WWOX: variants seen among roughly 807,000 people sequenced by gnomAD.
WWOX encodes the protein WW domain-containing oxidoreductase.
Under a neutral mutation model 46.2 loss-of-function variants are expected in WWOX, and 69 were observed. The ratio of observed to expected loss-of-function variants is 1.49; its 90% CI spans 1.23 to 1.82. The LOEUF (loss-of-function observed/expected upper bound fraction) is 1.82, where lower values mean the gene tolerates loss of function less well. WWOX is among the 40% of genes most tolerant of loss of function. The pLI is 0.00. For synonymous variants in WWOX, 359 were observed against 202.6 expected (o/e 1.77, Z -6.56); for missense variants, 919 against 542.6 (o/e 1.69, Z -6.89).
chr16:78,535,304 C>T (rs1195973792), intron 8 of WWOX: 3 of 152,182 alleles, frequency 2.0e-5, no homozygotes, highest in African/African-American at 7.2e-5. Context: ...CTGGAAACGC[C>T]CTCTGTCTGA....
At chr16:79,175,591 T>G (rs909620322) in intron 8 of WWOX, among the ~76,000 whole-genome samples, 1 of 152,164 alleles carries the variant, frequency 6.6e-6, no homozygotes, top group South Asian at 2.1e-4. Context: ...AAAATGTAGG[T>G]AGTTCATAGG....
intron 8 of WWOX, among the ~76,000 whole-genome samples, chr16:78,817,041 C>G (rs145202118): frequency 1.3e-5 from 2 of 152,072 alleles, no homozygotes; most frequent in African/African-American, 4.8e-5. Context: ...ATCCCACAGT[C>G]TGAAGTACGT....
At chr16:78,421,818 G>A (rs1422807431) in intron 6 of WWOX, among the ~76,000 whole-genome samples, 1 of 152,154 alleles carries the variant, frequency 6.6e-6, no homozygotes, top group Non-Finnish European at 1.5e-5. Flanking sequence ...TCTCCCTCAT[G>A]ATATTAACTG....
At position 79,152,197 on chromosome 16, in the gene WWOX, G is replaced by A. The variant is rs1167202550; in HGVS notation, c.1057-59411G>A. ...TGCATCCCTCCCCCACGCGAGGCGA[G>A]GCCCTGAGGAGCGGGATTCGCTGAC... On this transcript the variant is annotated intron_variant, in intron 8 of 8. Coordinates refer to ENST00000566780, the MANE Select transcript of WWOX (RefSeq NM_016373.4). 2.0e-5 allele frequency among the ~76,000 whole-genome samples: 3 copies of A among 152,196 alleles called. No homozygotes were observed. The South Asian group carries it at 6.2e-4, about 31-fold the overall frequency.
intron 8 of WWOX, chr16:78,873,095 C>T (rs2044162121): frequency 6.6e-6 from 1 of 152,200 alleles, no homozygotes; most frequent in Non-Finnish European, 1.5e-5. Flanking sequence ...CCACACCCAG[C>T]CCAGAGGCCT....
At chr16:78,143,429 C>A (rs575578273) in intron 4 of WWOX, among the ~76,000 whole-genome samples, 1 of 152,110 alleles carries the variant, frequency 6.6e-6, no homozygotes, top group African/African-American at 2.4e-5. Flanking sequence ...GATTGTGGCA[C>A]GTGGACCAAA....
chr16:78,985,506 A>G (rs943980019), intron 8 of WWOX, among the ~76,000 whole-genome samples: 1 of 152,194 alleles, frequency 6.6e-6, no homozygotes, highest in African/African-American at 2.4e-5. Context: ...GCGGTGGCTC[A>G]CGCTGTAATC....
intron 8 of WWOX, among the ~76,000 whole-genome samples, chr16:78,717,534 A>T (rs901119531): frequency 6.6e-5 from 10 of 152,166 alleles, no homozygotes; most frequent in East Asian, 1.9e-4. Flanking sequence ...GCTGTGAAGG[A>T]TGTGATTTGC....
chr16:79,186,601 C>T lies in WWOX; in HGVS notation c.1057-25007C>T, dbSNP rs778711613. ...TAATTACATGTCTATTTCCAAGTAACGTCACATTCTGAGGCAATGGCGGTT... is the reference window on the plus strand; with the variant it reads ...TAATTACATGTCTATTTCCAAGTAATGTCACATTCTGAGGCAATGGCGGTT... On this transcript the variant is annotated intron_variant, in intron 8 of 8. Coordinates refer to ENST00000566780, the MANE Select transcript of WWOX (RefSeq NM_016373.4). 9.8e-5 allele frequency among the ~76,000 whole-genome samples: 15 copies of T among 152,292 alleles called. 1 individual carries two copies. Among genetic ancestry groups the T allele is most frequent in the Middle Eastern group, 3.4e-3 (1 of 294 alleles).
intron 8 of WWOX, among the ~76,000 whole-genome samples, chr16:78,721,442 G>T (rs973494789): frequency 6.6e-6 from 1 of 152,158 alleles, no homozygotes; most frequent in Non-Finnish European, 1.5e-5. Flanking sequence ...AGAGTATTCA[G>T]CTGTCAGACA....
intron 5 of WWOX, among the ~76,000 whole-genome samples, chr16:78,173,390 G>C (rs907444362): frequency 1.3e-5 from 2 of 151,936 alleles, no homozygotes; most frequent in Non-Finnish European, 2.9e-5. Flanking sequence ...CTGGGCTCAA[G>C]TGATCCTCCC....
At chr16:78,899,804 G>T (rs902109013) in intron 8 of WWOX, among the ~76,000 whole-genome samples, 1 of 152,124 alleles carries the variant, frequency 6.6e-6, no homozygotes, top group Non-Finnish European at 1.5e-5. Context: ...TATTTGTGTT[G>T]TAGCTTGGAA....
chr16:78,262,465 A>C lies in WWOX; in HGVS notation c.516+98176A>C, dbSNP rs146524056. 7.0e-4 allele frequency among the ~76,000 whole-genome samples: 106 copies of C among 152,336 alleles called. 1 individual carries two copies. In the East Asian group the frequency reaches 8.1e-3, roughly 12 times the overall value. On this transcript the variant is annotated intron_variant, in intron 5 of 8. Transcript: ENST00000566780. ...CAGTAAATTTTATTCAGAACCAGCT[A>C]TATGGCAAACCCTAGTCCTTATGCT...
intron 8 of WWOX, among the ~76,000 whole-genome samples, chr16:78,945,312 G>T (rs922204756): frequency 2.0e-5 from 3 of 152,188 alleles, no homozygotes; most frequent in Non-Finnish European, 4.4e-5. Flanking sequence ...TGAGCAATTT[G>T]ATTTGATTGA....
intron 8 of WWOX, among the ~76,000 whole-genome samples, chr16:79,172,544 T>C (rs531681033): frequency 2.0e-5 from 3 of 152,278 alleles, no homozygotes; most frequent in South Asian, 4.1e-4. Context: ...CTGCATGAAT[T>C]GCATCCAGCA....
In WWOX at chr16:78,318,814, A is replaced by T. The variant is rs114469002; in HGVS notation, c.517-68046A>T. ...TGTGATTTTTACTCACTTTTCTACA[A>T]GCATGACTCCTTATATAACTACAGT... On this transcript the variant is annotated intron_variant, in intron 5 of 8. Coordinates refer to ENST00000566780, the MANE Select transcript of WWOX (RefSeq NM_016373.4). Among the ~76,000 whole-genome samples, 1,154 of 152,318 alleles carry T rather than the reference A, an allele frequency of 7.6e-3. 16 individuals are homozygous for T. The highest frequency in any genetic ancestry group is 0.027 in the African/African-American group (1,104 of 41,560).
At chr16:78,443,379 C>T (rs535212042) in intron 8 of WWOX, among the ~76,000 whole-genome samples, 2 of 152,120 alleles carry the variant, frequency 1.3e-5, no homozygotes, top group Non-Finnish European at 2.9e-5. Context: ...CAATGCTCAT[C>T]AGAACTCAGC....
At chr16:78,617,985 G>T (rs976980634) in intron 8 of WWOX, among the ~76,000 whole-genome samples, 5 of 152,174 alleles carry the variant, frequency 3.3e-5, no homozygotes, top group African/African-American at 1.2e-4. Flanking sequence ...TATGAATAAT[G>T]TTAACAATTA....
chr16:79,064,327 G>A (rs2048405332), intron 8 of WWOX, among the ~76,000 whole-genome samples: 2 of 152,218 alleles, frequency 1.3e-5, no homozygotes, highest in South Asian at 4.1e-4. Context: ...CATAGCTTGT[G>A]GAATTCGATG....
Sources: gnomAD v4.1 joint callset for allele counts (sites outside exome capture counted in the v4.1 genomes callset) on GRCh38, gnomAD v4.1.1 for gene constraint, MANE v1.5 for transcripts, NCBI Gene and HGNC (gene_info 2026-07-23, HGNC 2026-07-21) for gene names.